PPP6R3: variants seen among roughly 807,000 people sequenced by gnomAD.
The protein encoded by PPP6R3 is serine/threonine-protein phosphatase 6 regulatory subunit 3.
In PPP6R3, 38 loss-of-function variants were observed where a neutral mutation model predicts 110.7. That is an observed-to-expected ratio of 0.34 (90% CI 0.26 to 0.45). PPP6R3 has a LOEUF of 0.45. Among genes scored for constraint, PPP6R3 ranks in the 20% least tolerant of loss-of-function variants. The probability of loss-of-function intolerance (pLI) is 1.00; values close to 1 mark genes in which losing one functional copy is unlikely to be tolerated. For synonymous variants in PPP6R3, 369 were observed against 373.5 expected (o/e 0.99, Z 0.14); for missense variants, 870 against 1,062.4 (o/e 0.82, Z 2.52).
intron 18 of PPP6R3, 147 bp downstream of exon 18, chr11:68,591,853 G>T (rs2099596347): frequency 9.8e-7 from 1 of 1,016,586 alleles, no homozygotes. Context: ...GCCCTTGTTG[G>T]CGGGAGTTGG....
chr11:68,475,872 C>T (rs1274918475), intron 1 of PPP6R3, among the ~76,000 whole-genome samples: 10 of 146,230 alleles, frequency 6.8e-5, no homozygotes, highest in South Asian at 4.4e-4. Context: ...GGATCGCGGA[C>T]GGGCAGAGGC....
chr11:68,537,560 G>A (rs1409012456), intron 2 of PPP6R3, 99 bp from the exon 3 acceptor site: 2 of 776,612 alleles, frequency 2.6e-6, no homozygotes, highest in East Asian at 5.4e-5. Context: ...TGTGAGCCAA[G>A]TTGGCATTTT....
chr11:68,465,472 G>C (rs1175926352), intron 1 of PPP6R3, among the ~76,000 whole-genome samples: 1 of 152,178 alleles, frequency 6.6e-6, no homozygotes, highest in Non-Finnish European at 1.5e-5. Context: ...AGAATATTAG[G>C]AAAACTATAA....
Position 68,608,604 on chromosome 11 carries a change from G to A in PPP6R3, c.2451-1300G>A, listed in dbSNP as rs146082885. Among the ~76,000 whole-genome samples, 165 of 152,266 alleles carry A rather than the reference G, an allele frequency of 1.1e-3. 2 individuals carry two copies. Among genetic ancestry groups the A allele is most frequent in the Middle Eastern group, 3.4e-3 (1 of 294 alleles). ...CCAGGGGCCGTGGACAGTGATGGTC[G>A]TCACAGCACCCTGCATGGAAGTGTG... On this transcript the variant is annotated intron_variant, in intron 22 of 23. Transcript: ENST00000393800.
In PPP6R3 at chr11:68,595,200, A is replaced by ATTTTTT. The variant is rs71043443; in HGVS notation, c.1917-871_1917-866dup. Among the ~76,000 whole-genome samples, 140 of 81,102 alleles carry ATTTTTT rather than the reference A, an allele frequency of 1.7e-3. 3 individuals carry two copies. Among genetic ancestry groups the ATTTTTT allele is most frequent in the African/African-American group, 3.5e-3 (89 of 25,456 alleles). 53.2% of individuals were successfully genotyped at this position (81,102 alleles called of 152,430 possible). A position where few individuals can be genotyped will look rare whatever the true frequency, so the allele number is the denominator to read the frequency against. ...ACCAAAAACACAATACATAAAAATA[A>ATTTTTT]TTTTTTTTTTTTTTTTTTTTTTTTT... On this transcript the variant is annotated intron_variant, in intron 18 of 23. Transcript: ENST00000393800.
intron 22 of PPP6R3, 28 bp from the exon 23 acceptor site, chr11:68,609,876 G>C: frequency 6.2e-7 from 1 of 1,613,372 alleles, no homozygotes. Flanking sequence ...TAGGGTGTTT[G>C]ATGTGCCTGT....
intron 1 of PPP6R3, among the ~76,000 whole-genome samples, chr11:68,493,233 C>T (rs541991673): frequency 4.6e-5 from 7 of 152,184 alleles, no homozygotes; most frequent in South Asian, 2.1e-4. Context: ...TCAGTTTCCT[C>T]GCTTACATAT....
chr11:68,576,137 G>A (rs1483118665), intron 14 of PPP6R3, 94 bp downstream of exon 14: 8 of 865,936 alleles, frequency 9.2e-6, no homozygotes, highest in Middle Eastern at 6.2e-4. Context: ...ATTTACCTCA[G>A]TAACTGTGAG....
chr11:68,512,016 T>G (rs979193610), intron 1 of PPP6R3, among the ~76,000 whole-genome samples: 2 of 152,260 alleles, frequency 1.3e-5, no homozygotes, highest in Middle Eastern at 6.8e-3. Flanking sequence ...CTCCTTAGTT[T>G]TAGTGGAGCA....
In PPP6R3 at chr11:68,542,389, G is replaced by GTT. The variant is rs34666175; in HGVS notation, c.228-2428_228-2427dup. 5.5e-4 allele frequency among the ~76,000 whole-genome samples: 22 copies of GTT among 40,196 alleles called. 2 individuals are homozygous for GTT. Among genetic ancestry groups the GTT allele is most frequent in the South Asian group, 5.4e-3 (3 of 558 alleles). The allele number at this position is 40,196 out of a possible 152,430, so 26.4% of individuals were successfully genotyped here. ...ATCTTTGGGTGCTTGAGAAGCTGCT[G>GTT]TTTTTTTTTTTTTTTTTTTTTTAAG... On this transcript the variant is annotated intron_variant, in intron 3 of 23. Coordinates refer to ENST00000393800, the MANE Select transcript of PPP6R3 (RefSeq NM_001164161.2).
At chr11:68,538,009 G>A in intron 3 of PPP6R3, 118 bp downstream of exon 3, 1 of 762,682 alleles carries the variant, frequency 1.3e-6, no homozygotes, top group Non-Finnish European at 2.0e-6. Context: ...GGGTAAGATA[G>A]TCAAGAATGA....
chr11:68,490,712 T>G (rs2098978724), intron 1 of PPP6R3, among the ~76,000 whole-genome samples: 1 of 152,154 alleles, frequency 6.6e-6, no homozygotes. Context: ...AGATTCTTTC[T>G]TCAGCCGTGT....
chr11:68,610,070 G>T, intron 23 of PPP6R3, 47 bp downstream of exon 23: 1 of 1,600,414 alleles, frequency 6.2e-7, no homozygotes. Context: ...CCCTGACCTT[G>T]CCTGTTGCTT....
chr11:68,585,317 C>T (rs2153831928), intron 15 of PPP6R3, among the ~76,000 whole-genome samples: 1 of 152,318 alleles, frequency 6.6e-6, no homozygotes, highest in Middle Eastern at 3.4e-3. Flanking sequence ...CATCATTTCC[C>T]ACTACCTCAC....
intron 1 of PPP6R3, among the ~76,000 whole-genome samples, chr11:68,512,111 T>G (rs1316190717): frequency 6.6e-6 from 1 of 152,206 alleles, no homozygotes; most frequent in East Asian, 1.9e-4. Context: ...TCGTGGTTGA[T>G]AAAGTTTGAC....
chr11:68,502,129 C>T (rs1042666045), intron 1 of PPP6R3, among the ~76,000 whole-genome samples: 12 of 151,986 alleles, frequency 7.9e-5, no homozygotes, highest in East Asian at 3.9e-4. Context: ...AGTGTTTCTA[C>T]GAAAGACAAT....
At chr11:68,510,312 AT>A (rs2099102411) in intron 1 of PPP6R3, among the ~76,000 whole-genome samples, 1 of 152,002 alleles carries the variant, frequency 6.6e-6, no homozygotes, top group African/African-American at 2.4e-5. Context: ...GTCTCTCAAC[AT>A]TTAATACCTC....
chr11:68,461,473 C>A (rs1305651509), intron 1 of PPP6R3, among the ~76,000 whole-genome samples: 1 of 115,404 alleles, frequency 8.7e-6, no homozygotes, highest in African/African-American at 3.3e-5. Context: ...GAATGCCTCC[C>A]TGGTGTATTT....
intron 1 of PPP6R3, among the ~76,000 whole-genome samples, chr11:68,507,503 T>TCAA (rs2099085110): frequency 6.6e-6 from 1 of 152,178 alleles, no homozygotes; most frequent in Admixed American, 6.5e-5. Context: ...ATTCAAAATT[T>TCAA]TGTGGATGAT....
Sources: gnomAD v4.1 joint callset for allele counts (sites outside exome capture counted in the v4.1 genomes callset) on GRCh38, gnomAD v4.1.1 for gene constraint, MANE v1.5 for transcripts, NCBI Gene and HGNC (gene_info 2026-07-23, HGNC 2026-07-21) for gene names.